The following PIK3C2G variants were observed in gnomAD, a reference collection of about 807,000 sequenced individuals.
The protein encoded by PIK3C2G is phosphatidylinositol 3-kinase C2 domain-containing subunit gamma.
In PIK3C2G, 168 loss-of-function variants were observed where a neutral mutation model predicts 181.1. The ratio of observed to expected loss-of-function variants is 0.93; its 90% CI spans 0.82 to 1.05. The LOEUF (loss-of-function observed/expected upper bound fraction) is 1.05, where lower values mean the gene tolerates loss of function less well. Ranked by LOEUF, PIK3C2G falls within the 50% of genes least tolerant of loss-of-function variation. The pLI is 0.00. For synonymous variants in PIK3C2G, 573 were observed against 592.2 expected (o/e 0.97, Z 0.47); for missense variants, 1,869 against 1,732.8 (o/e 1.08, Z -1.40).
chr12:18,340,851 C>T (rs1009777634), intron 9 of PIK3C2G, among the ~76,000 whole-genome samples: 16 of 152,026 alleles, frequency 1.1e-4, no homozygotes, highest in African/African-American at 3.6e-4. Flanking sequence ...AAGGATGGTG[C>T]TGGTGCTAGT....
intron 18 of PIK3C2G, 143 bp downstream of exon 18, chr12:18,424,182 C>G: frequency 1.8e-6 from 1 of 559,162 alleles, no homozygotes. Flanking sequence ...TTGTCAATGT[C>G]ATTTTTATTT....
At chr12:18,345,912 C>T (rs1186052997) in intron 10 of PIK3C2G, among the ~76,000 whole-genome samples, 2 of 152,186 alleles carry the variant, frequency 1.3e-5, no homozygotes, top group African/African-American at 4.8e-5. Context: ...AACACAATTT[C>T]TGATGATGTG....
chr12:18,286,110 A>C (rs944541552), intron 2 of PIK3C2G, among the ~76,000 whole-genome samples: 44 of 152,148 alleles, frequency 2.9e-4, no homozygotes, highest in African/African-American at 1.0e-3. Context: ...TAAAATGGTC[A>C]ATCAGGAAGA....
chr12:18,698,996 C>T, the PIK3C2G span, among the ~76,000 whole-genome samples: 1 of 152,114 alleles, frequency 6.6e-6, no homozygotes. Flanking sequence ...TTGCTCATTC[C>T]CTTTTAAGTT....
intron 5 of PIK3C2G, among the ~76,000 whole-genome samples, chr12:18,313,065 C>T (rs1950706625): frequency 6.6e-6 from 1 of 151,952 alleles, no homozygotes; most frequent in Admixed American, 6.6e-5. Context: ...TATTTAAGGT[C>T]CTTTAAACAA....
intron 30 of PIK3C2G, among the ~76,000 whole-genome samples, chr12:18,606,344 G>A (rs867046662): frequency 9.9e-5 from 15 of 151,796 alleles, no homozygotes; most frequent in African/African-American, 2.4e-4. Flanking sequence ...TATAATGTTC[G>A]TTGTGCCTCA....
chr12:18,494,296 A>T (rs1440232248), intron 20 of PIK3C2G, among the ~76,000 whole-genome samples: 2 of 152,074 alleles, frequency 1.3e-5, no homozygotes, highest in African/African-American at 4.8e-5. Context: ...CAAAATCTTC[A>T]AGATCTAGTA....
chr12:18,320,536 T>G (rs1215974897), intron 6 of PIK3C2G, among the ~76,000 whole-genome samples: 7 of 152,214 alleles, frequency 4.6e-5, no homozygotes, highest in Admixed American at 4.6e-4. Flanking sequence ...GTGGTGAAGC[T>G]GAAAAATGAA....
chr12:18,687,120 T>G, the PIK3C2G span, among the ~76,000 whole-genome samples: 1 of 152,080 alleles, frequency 6.6e-6, no homozygotes, highest in Admixed American at 6.6e-5. Context: ...CAGGAAGTCA[T>G]CATCAATATC....
At chr12:18,509,780 T>C (rs1200084317) in intron 24 of PIK3C2G, among the ~76,000 whole-genome samples, 2 of 152,170 alleles carry the variant, frequency 1.3e-5, no homozygotes, top group African/African-American at 4.8e-5. Context: ...AAACAAATGA[T>C]CCCTTCTTAT....
At chr12:18,329,729 A>G (rs1204817895) in intron 8 of PIK3C2G, among the ~76,000 whole-genome samples, 2 of 152,150 alleles carry the variant, frequency 1.3e-5, no homozygotes, top group East Asian at 1.9e-4. Flanking sequence ...AGCTAGGGAC[A>G]TAGATTTACA....
intron 1 of PIK3C2G, among the ~76,000 whole-genome samples, chr12:18,268,916 T>G (rs944412589): frequency 6.6e-6 from 1 of 151,970 alleles, no homozygotes; most frequent in African/African-American, 2.4e-5. Context: ...AAAACTTAGA[T>G]TTCTTTCTTT....
At chr12:18,571,875 G>T (rs1945962223) in intron 29 of PIK3C2G, among the ~76,000 whole-genome samples, 1 of 150,646 alleles carries the variant, frequency 6.6e-6, no homozygotes, top group Admixed American at 6.6e-5. Flanking sequence ...ATGTGTGCAT[G>T]TGTCTATGTG....
chr12:18,282,091 T>C lies in PIK3C2G; in HGVS notation c.10T>C (p.Ser4Pro), dbSNP rs774197612. Residue 4 changes from serine (S) to proline (P), a missense_variant, in exon 2 of 33, where the codon TCT becomes CCT. Physicochemically the swap from Ser to Pro is moderately conservative, Grantham distance 74. Coordinates refer to ENST00000538779, the MANE Select transcript of PIK3C2G (RefSeq NM_001288772.2). The stretch of plus-strand genomic sequence containing the variant: ...TTACATAAAATAAAAAATGGCATAT[T>C]CTTGGCAAACGGATCCAAATCCTAA... MAYSWQTDPNPNES... is the reference protein window; with the variant it reads MAYPWQTDPNPNES... 1.8e-5 allele frequency: 28 copies of C among 1,590,164 alleles called. No homozygotes were observed. Among genetic ancestry groups the C allele is most frequent in the Admixed American group, 7.1e-5 (4 of 56,444 alleles).
chr12:18,633,123 CAGAA>C (rs373016692), intron 31 of PIK3C2G, among the ~76,000 whole-genome samples: 16 of 152,286 alleles, frequency 1.1e-4, no homozygotes, highest in African/African-American at 3.8e-4. Context: ...ACGCCATCCT[CAGAA>C]AGAGGTAAAG....
intron 13 of PIK3C2G, among the ~76,000 whole-genome samples, chr12:18,377,664 C>G (rs1942547475): frequency 6.6e-6 from 1 of 152,192 alleles, no homozygotes; most frequent in South Asian, 2.1e-4. Flanking sequence ...CTGACATAAA[C>G]TCTGGTGTTC....
chr12:18,249,461 TTTCATC>T (rs1314450667), intron 1 of PIK3C2G, among the ~76,000 whole-genome samples: 1 of 152,166 alleles, frequency 6.6e-6, no homozygotes, highest in African/African-American at 2.4e-5. Flanking sequence ...GTATTTTCCT[TTTCATC>T]CTACTCATGG....
chr12:18,561,170 G>A (rs1219718110), intron 26 of PIK3C2G, among the ~76,000 whole-genome samples: 3 of 152,128 alleles, frequency 2.0e-5, no homozygotes, highest in Non-Finnish European at 4.4e-5. Flanking sequence ...TAGAGATGTG[G>A]GCACAAAGAC....
intron 26 of PIK3C2G, among the ~76,000 whole-genome samples, chr12:18,559,815 TATATATAGAG>T (rs1171276942): frequency 8.6e-4 from 21 of 24,454 alleles, no homozygotes; most frequent in Non-Finnish European, 1.1e-3. Flanking sequence ...TATATATATA[TATATATAGAG>T]AGAGAGAGAG....
Sources: gnomAD v4.1 joint callset for allele counts (sites outside exome capture counted in the v4.1 genomes callset) on GRCh38, gnomAD v4.1.1 for gene constraint, MANE v1.5 for transcripts, NCBI Gene and HGNC (gene_info 2026-07-23, HGNC 2026-07-21) for gene names.